Variants in ACACB observed in about 807,000 individuals in gnomAD.
The protein encoded by ACACB is acetyl-CoA carboxylase 2.
In ACACB, 209 loss-of-function variants were observed where a neutral mutation model predicts 278.8. The observed-to-expected ratio is 0.75, with a 90% CI of 0.67 to 0.84. The LOEUF (loss-of-function observed/expected upper bound fraction) is 0.84, where lower values mean the gene tolerates loss of function less well. Among genes scored for constraint, ACACB ranks in the 40% least tolerant of loss-of-function variants. ACACB has a pLI of 0.00. For missense variants in ACACB, 2,850 were observed against 3,269.0 expected (o/e 0.87, Z 3.13); for synonymous variants, 1,174 against 1,285.6 (o/e 0.91, Z 1.86).
At chr12:109,169,141 T>C (rs1241470690) in intron 4 of ACACB, among the ~76,000 whole-genome samples, 1 of 10,342 alleles carries the variant, frequency 9.7e-5, no homozygotes. Flanking sequence ...TGAGACTGTC[T>C]CAAAAAAAAA....
chr12:109,127,262 C>T (rs2042703131), intron 1 of ACACB, among the ~76,000 whole-genome samples: 1 of 152,106 alleles, frequency 6.6e-6, no homozygotes, highest in African/African-American at 2.4e-5. Flanking sequence ...CAAGTCACTC[C>T]ACCTCTCTGG....
rs1187429871 is a variant in ACACB, at chr12:109,239,951, A to G, written c.4784A>G (p.Asn1595Ser). The change falls in exon 35 of 53, where the codon AAC becomes AGC. Residue 1595 changes from asparagine to serine, a missense_variant. Physicochemically the swap from Asn to Ser is conservative, Grantham distance 46. Around this residue, in one of 3 missense-constraint regions of ACACB, gnomAD observed 2,265 missense variants for 2,561.3 expected, o/e 0.88. Transcript: ENST00000338432. The part of the protein sequence containing the change: ...VRTDCNHIFL[N>S]FVPTVIMDPF... ...ACCGACTGCAACCACATCTTCCTCAACTTCGTGCCCACTGTCATCATGGAC... is the reference window on the plus strand; with the variant it reads ...ACCGACTGCAACCACATCTTCCTCAGCTTCGTGCCCACTGTCATCATGGAC... The G allele has an allele frequency of 2.5e-6, 4 of 1,614,060 alleles. No individual in the cohort carries two copies. Among genetic ancestry groups the G allele is most frequent in the Non-Finnish European group, 8.5e-7 (1 of 1,179,988 alleles).
chr12:109,212,790 T>C, intron 21 of ACACB, 46 bp from the exon 22 acceptor site: 1 of 1,526,464 alleles, frequency 6.6e-7, no homozygotes, highest in Non-Finnish European at 9.1e-7. Flanking sequence ...CTGCTGTGTG[T>C]CATCTGAATC....
chr12:109,160,752 G>A lies in ACACB; in HGVS notation c.654-6109G>A, dbSNP rs28547878. On this transcript the variant is annotated intron_variant, in intron 2 of 52. Transcript: ENST00000338432. ...AAAGAATTAAAATAGCCACTTGCCT[G>A]GAGATTGGGCCTGAAACAAGGCCAG... 9.5e-3 allele frequency among the ~76,000 whole-genome samples: 1,448 copies of A among 152,312 alleles called. 22 individuals carry two copies. The highest frequency in any genetic ancestry group is 0.033 in the African/African-American group (1,378 of 41,556).
intron 11 of ACACB, among the ~76,000 whole-genome samples, chr12:109,181,669 A>C (rs889496994): frequency 6.6e-6 from 1 of 152,104 alleles, no homozygotes; most frequent in Non-Finnish European, 1.5e-5. Flanking sequence ...TTGAGTATAT[A>C]TTTAGCAGTA....
At chr12:109,127,288 G>A (rs183371743) in intron 1 of ACACB, among the ~76,000 whole-genome samples, 70 of 152,266 alleles carry the variant, frequency 4.6e-4, no homozygotes, top group Middle Eastern at 3.4e-3. Context: ...GGATTCTCAT[G>A]TGTGAAATGG....
At chr12:109,162,121 C>T (rs1300513089) in intron 2 of ACACB, among the ~76,000 whole-genome samples, 2 of 151,992 alleles carry the variant, frequency 1.3e-5, no homozygotes, top group Admixed American at 6.6e-5. Context: ...AGACTACAGG[C>T]GTGCGCCACC....
intron 11 of ACACB, among the ~76,000 whole-genome samples, chr12:109,182,710 G>A (rs1353581660): frequency 2.2e-4 from 33 of 152,086 alleles, no homozygotes; most frequent in Admixed American, 2.1e-3. Flanking sequence ...CCCTCGTCAG[G>A]TGGCTAGTTT....
At chr12:109,228,404 A>G (rs2136565343) in intron 28 of ACACB, among the ~76,000 whole-genome samples, 1 of 151,916 alleles carries the variant, frequency 6.6e-6, no homozygotes, top group Admixed American at 6.6e-5. Context: ...CTGTAATCCT[A>G]GCACTTCGGA....
intron 49 of ACACB, chr12:109,263,229 T>A (rs934558079): frequency 1.3e-5 from 2 of 151,992 alleles, no homozygotes; most frequent in African/African-American, 4.8e-5. Flanking sequence ...CAGGCTGGGG[T>A]GCAGTGGCGC....
At chr12:109,251,492 G>A (rs906454443) in intron 41 of ACACB, among the ~76,000 whole-genome samples, 9 of 152,162 alleles carry the variant, frequency 5.9e-5, no homozygotes, top group African/African-American at 1.9e-4. Flanking sequence ...TTGTTTTCTA[G>A]ATTATATGTA....
At position 109,233,927 on chromosome 12, in the gene ACACB, C is replaced by T. The variant is rs761276325; in HGVS notation, c.4240-11C>T. On this transcript the variant is annotated splice_polypyrimidine_tract_variant and intron_variant, in intron 30 of 52. Transcript: ENST00000338432. Reference sequence around the variant, plus strand: ...GGCTTTCCAGCCCTACCCCTTGCTTCTCCCTCTCAGAGCCTCAGAGAAGAG... The same window carrying T: ...GGCTTTCCAGCCCTACCCCTTGCTTTTCCCTCTCAGAGCCTCAGAGAAGAG... The T allele has an allele frequency of 6.2e-7, 1 of 1,613,702 alleles. No individual in the cohort carries two copies. The highest frequency in any genetic ancestry group is 8.5e-7 in the Non-Finnish European group (1 of 1,179,756).
intron 29 of ACACB, among the ~76,000 whole-genome samples, chr12:109,233,158 G>A (rs999519597): frequency 6.6e-6 from 1 of 152,036 alleles, no homozygotes; most frequent in African/African-American, 2.4e-5. Flanking sequence ...CTGTAAAATG[G>A]GAATAATAAA....
chr12:109,256,357 A>C, intron 45 of ACACB, 121 bp downstream of exon 45: 1 of 719,644 alleles, frequency 1.4e-6, no homozygotes, highest in South Asian at 1.7e-5. Context: ...TTTCTAAAAG[A>C]AAAAACCAAT....
Position 109,179,227 on chromosome 12 carries a change from G to C in ACACB, c.1577G>C (p.Arg526Pro). 1 of 1,614,048 alleles carries C rather than the reference G, an allele frequency of 6.2e-7. No individual in the cohort carries two copies. The highest frequency in any genetic ancestry group is 8.5e-7 in the Non-Finnish European group (1 of 1,180,026). Reference sequence around the variant, plus strand: ...GGTCGCGACTGCTCCATCCAGCGGCGGCATCAGAAGATCGTTGAGGAAGCA... The same window carrying C: ...GGTCGCGACTGCTCCATCCAGCGGCCGCATCAGAAGATCGTTGAGGAAGCA... ...LFGRDCSIQR[R>P]HQKIVEEAPA... is the part of the protein sequence containing the mutation. The change falls in exon 10 of 53, where the codon CGG (arginine) becomes CCG (proline). Residue 526 changes from arginine to proline, a missense_variant. Around this residue, in one of 3 missense-constraint regions of ACACB, gnomAD observed 2,265 missense variants for 2,561.3 expected, o/e 0.88. Coordinates refer to ENST00000338432, the MANE Select transcript of ACACB (RefSeq NM_001093.4).
chr12:109,133,594 C>A (rs2042885459), intron 1 of ACACB, among the ~76,000 whole-genome samples: 2 of 151,856 alleles, frequency 1.3e-5, no homozygotes, highest in South Asian at 4.2e-4. Flanking sequence ...GGGATGCCCA[C>A]CCTATCAATT....
At chr12:109,241,628 T>G in intron 36 of ACACB, 1 of 308,828 alleles carries the variant, frequency 3.2e-6, no homozygotes, top group South Asian at 3.5e-5. Context: ...ATTATAGGCG[T>G]GAGCCACCAC....
intron 21 of ACACB, among the ~76,000 whole-genome samples, chr12:109,210,220 C>CAT (rs1313428621): frequency 3.3e-5 from 1 of 30,622 alleles, no homozygotes; most frequent in African/African-American, 2.2e-4. Context: ...TATATACACA[C>CAT]ATGTGTGTAT....
chr12:109,146,786 C>T (rs962437617), intron 2 of ACACB, among the ~76,000 whole-genome samples: 3 of 152,038 alleles, frequency 2.0e-5, no homozygotes, highest in East Asian at 1.9e-4. Flanking sequence ...GTGATCCTCC[C>T]GTCTCAGCCT....
Sources: gnomAD v4.1 joint callset for allele counts (sites outside exome capture counted in the v4.1 genomes callset) on GRCh38, gnomAD v4.1.1 for gene constraint, gnomAD v4.1.1 regional missense constraint, MANE v1.5 for transcripts, NCBI Gene and HGNC (gene_info 2026-07-23, HGNC 2026-07-21) for gene names.